Variants in RIPOR2 observed in about 807,000 individuals in gnomAD.
RIPOR2 encodes the protein RHO family interacting cell polarization regulator 2, also known as rho family-interacting cell polarization regulator 2.
A neutral mutation model predicts 114.5 loss-of-function variants in RIPOR2; 39 were observed. That is an observed-to-expected ratio of 0.34 (90% confidence interval 0.26 to 0.44). The LOEUF is 0.44. Ranked by LOEUF, RIPOR2 falls within the 20% of genes least tolerant of loss-of-function variation. The pLI, the probability that RIPOR2 is intolerant of heterozygous loss-of-function variation, is 1.00. For missense variants in RIPOR2, 1,007 were observed against 1,255.1 expected, an observed-to-expected ratio of 0.80 and a Z score of 2.99; for synonymous variants, 445 against 484.4, an observed-to-expected ratio of 0.92 and a Z score of 1.07.
Position 24,843,214 on chromosome 6 carries a change from G to A in RIPOR2, c.1505C>T (p.Ser502Phe). 1 of 1,614,038 alleles carries A rather than the reference G, an allele frequency of 6.2e-7. No homozygotes were observed. The highest frequency in any genetic ancestry group is 8.5e-7 in the Non-Finnish European group (1 of 1,179,896). The change falls in exon 13 of 22, where the codon TCC (serine) becomes TTC (phenylalanine). Residue 502 changes from serine to phenylalanine, a missense_variant. Coordinates refer to ENST00000643898, the MANE Select transcript of RIPOR2 (RefSeq NM_001286445.3). Reference protein sequence around the residue: ...SAPSEACRRQSSGAGAEHLFL... With the variant: ...SAPSEACRRQFSGAGAEHLFL... Reference sequence around the variant, plus strand: ...CAGGTGCTCAGCCCCAGCACCTGAGGACTGTCGGCGGCAAGCCTCAGATGG... The same window carrying A: ...CAGGTGCTCAGCCCCAGCACCTGAGAACTGTCGGCGGCAAGCCTCAGATGG...
chr6:24,925,972 A>T (rs1217156388), intron 1 of RIPOR2, among the ~76,000 whole-genome samples: 2 of 152,218 alleles, frequency 1.3e-5, no homozygotes, highest in Non-Finnish European at 1.5e-5. Flanking sequence ...TAAACAGCTT[A>T]TCTTTTTTTC....
chr6:24,893,892 A>G (rs1767600132), intron 1 of RIPOR2, among the ~76,000 whole-genome samples: 1 of 152,250 alleles, frequency 6.6e-6, no homozygotes, highest in Admixed American at 6.5e-5. Context: ...CAGGATCCAA[A>G]GAAACAAATG....
intron 19 of RIPOR2, among the ~76,000 whole-genome samples, chr6:24,820,422 T>G (rs1759578848): frequency 6.6e-6 from 1 of 152,230 alleles, no homozygotes; most frequent in African/African-American, 2.4e-5. Flanking sequence ...CATGTATAAT[T>G]CAATGGTTTT....
At chr6:24,838,465 A>C (rs1192407832) in intron 14 of RIPOR2, among the ~76,000 whole-genome samples, 1 of 152,182 alleles carries the variant, frequency 6.6e-6, no homozygotes, top group South Asian at 2.1e-4. Flanking sequence ...AATTAATTAC[A>C]TGGGGTCAAG....
chr6:24,945,768 T>C (rs1444341610), intron 1 of RIPOR2, among the ~76,000 whole-genome samples: 2 of 152,104 alleles, frequency 1.3e-5, no homozygotes, highest in African/African-American at 4.8e-5. Flanking sequence ...AAAGAACCAA[T>C]AGAAAAATTC....
Position 24,843,200 on chromosome 6 carries a change from C to T in RIPOR2, c.1519G>A (p.Ala507Thr). ...TCATTCTCAAGGAACAGGTGCTCAGCCCCAGCACCTGAGGACTGTCGGCGG... is the reference window on the plus strand; with the variant it reads ...TCATTCTCAAGGAACAGGTGCTCAGTCCCAGCACCTGAGGACTGTCGGCGG... ...ACRRQSSGAG[A>T]EHLFLENDVA... The change falls in exon 13 of 22, where the codon GCT becomes ACT. Residue 507 changes from alanine (A) to threonine (T), a missense_variant. Coordinates refer to ENST00000643898, the MANE Select transcript of RIPOR2 (RefSeq NM_001286445.3). The T allele has an allele frequency of 2.5e-6, 4 of 1,613,980 alleles. No individual in the cohort carries two copies. Among genetic ancestry groups the T allele is most frequent in the Non-Finnish European group, 3.4e-6 (4 of 1,179,866 alleles).
chr6:24,881,491 C>A (rs912862019), intron 1 of RIPOR2, among the ~76,000 whole-genome samples: 1 of 152,102 alleles, frequency 6.6e-6, no homozygotes, highest in Non-Finnish European at 1.5e-5. Flanking sequence ...GAAGGAATCC[C>A]AAGCACCTTG....
intron 1 of RIPOR2, among the ~76,000 whole-genome samples, chr6:24,948,879 T>C (rs1561801215): frequency 6.6e-6 from 1 of 152,172 alleles, no homozygotes; most frequent in Non-Finnish European, 1.5e-5. Flanking sequence ...CAGTTCAGGT[T>C]GACCACAGGG....
intron 1 of RIPOR2, among the ~76,000 whole-genome samples, chr6:25,000,991 G>C (rs1046543223): frequency 6.6e-6 from 1 of 152,126 alleles, no homozygotes; most frequent in Non-Finnish European, 1.5e-5. Context: ...TGCGGACCTC[G>C]ATTTTTTTTC....
intron 4 of RIPOR2, among the ~76,000 whole-genome samples, chr6:24,871,644 C>G (rs759972817): frequency 6.6e-6 from 1 of 152,232 alleles, no homozygotes; most frequent in African/African-American, 2.4e-5. Flanking sequence ...TGAGCCACCA[C>G]GCCCGGCCTT....
At chr6:24,853,793 C>G (rs548785475) in intron 8 of RIPOR2, among the ~76,000 whole-genome samples, 23 of 152,202 alleles carry the variant, frequency 1.5e-4, no homozygotes, top group Non-Finnish European at 1.5e-4. Context: ...TACATGCCAT[C>G]CACTATTTAA....
At chr6:24,944,810 G>A (rs960855608) in intron 1 of RIPOR2, among the ~76,000 whole-genome samples, 15 of 152,214 alleles carry the variant, frequency 9.9e-5, no homozygotes, top group African/African-American at 2.9e-4. Flanking sequence ...AAAGTGACTT[G>A]CCATATACAA....
At chr6:24,973,350 C>A (rs1000312745) in intron 1 of RIPOR2, among the ~76,000 whole-genome samples, 2 of 152,114 alleles carry the variant, frequency 1.3e-5, no homozygotes, top group East Asian at 3.9e-4. Flanking sequence ...TGCCTGTAAT[C>A]CCAGCACTTT....
At chr6:24,992,152 G>A (rs1316292737) in intron 1 of RIPOR2, among the ~76,000 whole-genome samples, 1 of 152,172 alleles carries the variant, frequency 6.6e-6, no homozygotes. Context: ...TTTTTCTCAA[G>A]AGCTCTGCAA....
At position 24,872,875 on chromosome 6, in the gene RIPOR2, A is replaced by G; in HGVS notation, c.423+6T>C. On this transcript the variant is annotated splice_donor_region_variant and intron_variant, in intron 4 of 21. Coordinates refer to ENST00000643898, the MANE Select transcript of RIPOR2 (RefSeq NM_001286445.3). ...GTTAACATCATAATGACTGCATAGT[A>G]CCTACCAGGCGAGAGTTTCTTTTCA... is the stretch of plus-strand genomic sequence containing the variant. The G allele has an allele frequency of 1.3e-6, 2 of 1,588,626 alleles. No individual in the cohort carries two copies. The highest frequency in any genetic ancestry group is 8.6e-7 in the Non-Finnish European group (1 of 1,158,200).
intron 11 of RIPOR2, among the ~76,000 whole-genome samples, chr6:24,848,525 T>C (rs1190931522): frequency 1.3e-5 from 2 of 152,196 alleles, no homozygotes; most frequent in Non-Finnish European, 1.5e-5. Flanking sequence ...CTAGATACCT[T>C]AATGGTATAA....
chr6:24,863,512 TC>T (rs1764293113), intron 7 of RIPOR2, among the ~76,000 whole-genome samples: 1 of 152,210 alleles, frequency 6.6e-6, no homozygotes, highest in African/African-American at 2.4e-5. Context: ...TGGAAACGGC[TC>T]TCCTCATTTC....
At chr6:24,811,080 C>T (rs530692008) in intron 20 of RIPOR2, among the ~76,000 whole-genome samples, 226 of 152,226 alleles carry the variant, frequency 1.5e-3, no homozygotes, top group Non-Finnish European at 2.0e-3. Flanking sequence ...GCTGGGATTA[C>T]AGGCATGAGC....
intron 1 of RIPOR2, among the ~76,000 whole-genome samples, chr6:24,990,890 A>G (rs12194111): frequency 1.3e-5 from 2 of 152,074 alleles, no homozygotes; most frequent in Admixed American, 1.3e-4. Flanking sequence ...AGACATATGA[A>G]GCTCTAAATA....
Sources: allele counts gnomAD v4.1 joint callset (sites outside exome capture counted in the v4.1 genomes callset), GRCh38; gene constraint gnomAD v4.1.1; transcripts MANE v1.5; gene names NCBI Gene and HGNC (gene_info 2026-07-23, HGNC 2026-07-21).